Variants in MTFR2 observed in about 807,000 individuals in gnomAD.
MTFR2 encodes DUF729 domain-containing protein 1.
A neutral mutation model predicts 41.2 loss-of-function variants in MTFR2; 44 were observed. The ratio of observed to expected loss-of-function variants is 1.07; its 90% CI spans 0.84 to 1.37. MTFR2 has a LOEUF of 1.37. MTFR2 is among the 40% of genes most tolerant of loss of function. The pLI is 0.00. For missense variants in MTFR2, 452 were observed against 459.5 expected (o/e 0.98, Z 0.15); for synonymous variants, 141 against 154.6 (o/e 0.91, Z 0.65).
In MTFR2 at chr6:136,241,445, A is replaced by G. The variant is rs771726707; in HGVS notation, c.513T>C (p.Ser171=). The part of the protein sequence containing the change: ...EMQELKNSTN[S]SSFGLSDERI... ...AACAAAAATCCTACTGTTACTTACT[A>G]GAATTTGTACTATTTTTCAGTTCCT... is the stretch of plus-strand genomic sequence containing the variant. The change falls in exon 5 of 8, where the codon TCT becomes TCC. Residue 171 remains serine, a splice_region_variant and synonymous_variant. Transcript: ENST00000420702. 1 of 1,609,518 alleles carries G rather than the reference A, an allele frequency of 6.2e-7. No homozygotes were observed. The highest frequency in any genetic ancestry group is 8.5e-7 in the Non-Finnish European group (1 of 1,177,072).
At chr6:136,246,740 G>T (rs1297760988) in intron 2 of MTFR2, among the ~76,000 whole-genome samples, 1 of 151,992 alleles carries the variant, frequency 6.6e-6, no homozygotes, top group East Asian at 1.9e-4. Flanking sequence ...TTGATATTAT[G>T]TGCTCCCACA....
At chr6:136,240,818 G>T (rs532154326) in intron 5 of MTFR2, among the ~76,000 whole-genome samples, 17 of 152,292 alleles carry the variant, frequency 1.1e-4, no homozygotes, top group South Asian at 2.1e-4. Flanking sequence ...AGGGCCGGGC[G>T]CGGTGGCTCA....
intron 2 of MTFR2, chr6:136,247,635 C>G: frequency 2.3e-6 from 1 of 431,966 alleles, no homozygotes; most frequent in Non-Finnish European, 4.6e-6. Flanking sequence ...TTTTCACAAG[C>G]AAACTTTTCA....
intron 6 of MTFR2, among the ~76,000 whole-genome samples, chr6:136,237,995 G>A (rs1014545596): frequency 6.6e-6 from 1 of 152,066 alleles, no homozygotes; most frequent in Non-Finnish European, 1.5e-5. Flanking sequence ...GGCACAGAGG[G>A]ATCCTTGAGG....
chr6:136,234,399 A>C (rs1401599283), intron 6 of MTFR2, among the ~76,000 whole-genome samples: 1 of 152,086 alleles, frequency 6.6e-6, no homozygotes. Context: ...TCAGAAAAAA[A>C]GCCTCTTTAA....
rs776226724 is a variant in MTFR2, at chr6:136,239,640, C to A, written c.695G>T (p.Gly232Val). ...ATCTGAGTCACAAATATTATTAGAT[C>A]CTGGTTGTACGGGAGGAAAACACGG... ...QPPCFPPVQP[G>V]SNNICDSDNP... is the part of the protein sequence containing the mutation. The change falls in exon 6 of 8, where the codon GGA (glycine) becomes GTA (valine). Residue 232 changes from glycine to valine, a missense_variant. Transcript: ENST00000420702. 2.3e-5 allele frequency: 37 copies of A among 1,613,882 alleles called. 1 individual carries two copies. The highest frequency in any genetic ancestry group is 3.3e-4 in the Middle Eastern group (2 of 6,060).
intron 3 of MTFR2, among the ~76,000 whole-genome samples, chr6:136,244,003 A>T (rs1250078858): frequency 6.6e-6 from 1 of 152,190 alleles, no homozygotes; most frequent in Non-Finnish European, 1.5e-5. Flanking sequence ...TAGAATAAGG[A>T]TATAAAAATA....
At chr6:136,231,997 T>C (rs1051371527) in intron 7 of MTFR2, among the ~76,000 whole-genome samples, 8 of 152,270 alleles carry the variant, frequency 5.3e-5, no homozygotes, top group Middle Eastern at 3.4e-3. Context: ...TCTAGTGAGA[T>C]GAGTAAAAAA....
chr6:136,241,561 G>A lies in MTFR2; in HGVS notation c.397C>T (p.Pro133Ser). The A allele has an allele frequency of 1.2e-6, 2 of 1,614,122 alleles. No homozygotes were observed. Among genetic ancestry groups the A allele is most frequent in the Non-Finnish European group, 1.7e-6 (2 of 1,180,032 alleles). Residue 133 changes from proline to serine, a missense_variant, in exon 5 of 8, where the codon CCT becomes TCT. Transcript: ENST00000420702. ...RQKETVKNDL[P>S]VNEAAIRKIA... The stretch of plus-strand genomic sequence containing the variant: ...TTTCTAATTGCAGCTTCATTTACAG[G>A]CAGGTCATTTTTCACAGTTTCTTTC...
intron 5 of MTFR2, 47 bp downstream of exon 5, chr6:136,241,397 T>C (rs752655869): frequency 6.6e-7 from 1 of 1,504,544 alleles, no homozygotes; most frequent in Non-Finnish European, 9.1e-7. Context: ...GTATAGGCTA[T>C]ACCATGAGTA....
chr6:136,231,260 A>C lies in MTFR2; in HGVS notation c.*15T>G. 1 of 1,544,438 alleles carries C rather than the reference A, an allele frequency of 6.5e-7. No homozygotes were observed. Among genetic ancestry groups the C allele is most frequent in the Non-Finnish European group, 8.9e-7 (1 of 1,123,756 alleles). ...AAGAAGTTTTGGAAGTTTAAAGCTC[A>C]ACCTTAAGTTGAGTTTAAATCCTTG... is the stretch of plus-strand genomic sequence containing the variant. On this transcript the variant is annotated 3_prime_UTR_variant, in exon 8 of 8. Transcript: ENST00000420702.
At chr6:136,243,964 T>C (rs1003588201) in intron 3 of MTFR2, among the ~76,000 whole-genome samples, 1 of 151,988 alleles carries the variant, frequency 6.6e-6, no homozygotes, top group South Asian at 2.1e-4. Flanking sequence ...TATAAAAAAT[T>C]TAAAAATTTT....
chr6:136,248,966 T>C (rs899180818), intron 2 of MTFR2, 71 bp downstream of exon 2: 1 of 1,353,938 alleles, frequency 7.4e-7, no homozygotes, highest in Non-Finnish European at 1.0e-6. Context: ...AATGATTACA[T>C]ATAAGTCATT....
intron 3 of MTFR2, among the ~76,000 whole-genome samples, chr6:136,243,580 C>T (rs1480949539): frequency 6.6e-6 from 1 of 151,924 alleles, no homozygotes; most frequent in Admixed American, 6.6e-5. Context: ...TGGTGGTGCA[C>T]ACCTCCCAAG....
intron 2 of MTFR2, among the ~76,000 whole-genome samples, chr6:136,246,179 C>T (rs1780207157): frequency 6.6e-6 from 1 of 152,194 alleles, no homozygotes; most frequent in Non-Finnish European, 1.5e-5. Flanking sequence ...ATGATACCTT[C>T]CTATCTTGCT....
Position 136,249,156 on chromosome 6 carries a change from T to C in MTFR2, c.-54-3A>G, listed in dbSNP as rs1233156077. 8 of 1,445,336 alleles carry C rather than the reference T, an allele frequency of 5.5e-6. No individual in the cohort carries two copies. The highest frequency in any genetic ancestry group is 1.5e-5 in the African/African-American group (1 of 67,866). The allele number at this position is 1,445,336 out of a possible 1,614,324, so 89.5% of individuals were successfully genotyped here. ...GAACATTATCAGTTTCTTGGTGCCT[T>C]TGGGGAAAATTTTAGAAAATGTTAC... On this transcript the variant is annotated splice_polypyrimidine_tract_variant and splice_region_variant and intron_variant, in intron 1 of 7. Coordinates refer to ENST00000420702, the MANE Select transcript of MTFR2 (RefSeq NM_001099286.3).
chr6:136,233,229 G>A, intron 7 of MTFR2, 96 bp downstream of exon 7: 1 of 1,070,426 alleles, frequency 9.3e-7, no homozygotes, highest in Non-Finnish European at 1.4e-6. Context: ...AGCCCATTCT[G>A]CACAATTACT....
chr6:136,235,277 C>CGGAAAAGAACAGGTTTTCAAGGTGGT (rs1779875332), intron 6 of MTFR2, among the ~76,000 whole-genome samples: 1 of 148,552 alleles, frequency 6.7e-6, no homozygotes, highest in African/African-American at 2.6e-5. Flanking sequence ...TTCAAGGTGG[C>CGGAAAAGAACAGGTTTTCAAGGTGGT]GGAAAAGAAC....
At chr6:136,246,264 C>T (rs1232856947) in intron 2 of MTFR2, among the ~76,000 whole-genome samples, 2 of 151,068 alleles carry the variant, frequency 1.3e-5, no homozygotes. Context: ...TCACCATTTT[C>T]GTTGTTGTTG....
Sources: allele counts gnomAD v4.1 joint callset (sites outside exome capture counted in the v4.1 genomes callset), GRCh38; gene constraint gnomAD v4.1.1; transcripts MANE v1.5; gene names NCBI Gene and HGNC (gene_info 2026-07-23, HGNC 2026-07-21).